Variants in TRMT61B observed in about 807,000 individuals in gnomAD.
TRMT61B encodes tRNA methyltransferase 61B.
Under a neutral mutation model 52.0 loss-of-function variants are expected in TRMT61B, and 56 were observed. The ratio of observed to expected loss-of-function variants is 1.08; its 90% CI spans 0.87 to 1.35. TRMT61B has a LOEUF of 1.35. Ranked by LOEUF, TRMT61B falls within the 40% of genes most tolerant of loss-of-function variation. The pLI is 0.00. For missense variants in TRMT61B, 650 were observed against 577.9 expected (o/e 1.12, Z -1.28); for synonymous variants, 206 against 220.0 (o/e 0.94, Z 0.56).
intron 1 of TRMT61B, among the ~76,000 whole-genome samples, chr2:28,868,458 A>G (rs1441161139): frequency 6.6e-6 from 1 of 152,234 alleles, no homozygotes; most frequent in Non-Finnish European, 1.5e-5. Context: ...ACTACTGGAA[A>G]TGACCTTATT....
chr2:28,855,938 T>A (rs1188180074), intron 3 of TRMT61B, among the ~76,000 whole-genome samples: 2 of 152,068 alleles, frequency 1.3e-5, no homozygotes, highest in African/African-American at 4.8e-5. Flanking sequence ...GCCATTGCAC[T>A]CCAGCCTGGG....
intron 6 of TRMT61B, 40 bp downstream of exon 6, chr2:28,850,287 AG>A (rs1669018421): frequency 6.2e-7 from 1 of 1,601,944 alleles, no homozygotes; most frequent in Non-Finnish European, 8.5e-7. Context: ...ATTAATTAAA[AG>A]AAAAAACACC....
intron 3 of TRMT61B, among the ~76,000 whole-genome samples, chr2:28,854,665 A>G (rs6547885): frequency 0.91 from 136,416 of 150,588 alleles, 61,794 homozygotes; most frequent in Non-Finnish European, 0.93. Flanking sequence ...GCTTGAACCC[A>G]GGAGGCGGAG....
At chr2:28,858,041 C>CTTTTTT (rs372996493) in intron 3 of TRMT61B, among the ~76,000 whole-genome samples, 50 of 133,322 alleles carry the variant, frequency 3.8e-4, no homozygotes, top group Non-Finnish European at 5.7e-4. Flanking sequence ...TTGTTTAATT[C>CTTTTTT]TTTTTTTTTT....
intron 2 of TRMT61B, among the ~76,000 whole-genome samples, chr2:28,863,797 A>C (rs537732148): frequency 6.6e-6 from 1 of 152,284 alleles, no homozygotes; most frequent in East Asian, 1.9e-4. Context: ...CAAAGAACAA[A>C]AGGTGTGAGT....
chr2:28,854,698 C>G (rs1396032845), intron 3 of TRMT61B, among the ~76,000 whole-genome samples: 1 of 141,486 alleles, frequency 7.1e-6, no homozygotes, highest in Non-Finnish European at 1.5e-5. Context: ...GAGATCAGGC[C>G]ACTGCATTCC....
At chr2:28,859,588 C>T (rs1405751248) in intron 3 of TRMT61B, among the ~76,000 whole-genome samples, 1 of 151,860 alleles carries the variant, frequency 6.6e-6, no homozygotes, top group Non-Finnish European at 1.5e-5. Flanking sequence ...TCTCCCCCAG[C>T]AGCTGACACC....
At chr2:28,850,523 T>C (rs1669040236) in intron 5 of TRMT61B, 118 bp from the exon 6 acceptor site, 1 of 676,420 alleles carries the variant, frequency 1.5e-6, no homozygotes, top group Non-Finnish European at 2.5e-6. Flanking sequence ...TTTATTTCCT[T>C]GCATATGTTT....
chr2:28,859,224 C>T lies in TRMT61B; in HGVS notation c.993+1894G>A, dbSNP rs999909718. On this transcript the variant is annotated intron_variant, in intron 3 of 6. Transcript: ENST00000306108. Reference sequence around the variant, plus strand: ...CCTCCCGAGTAGGTGGGACCACAGGCACCCGCCACCACGCCCGGCTAATTT... The same window carrying T: ...CCTCCCGAGTAGGTGGGACCACAGGTACCCGCCACCACGCCCGGCTAATTT... Among the ~76,000 whole-genome samples, 5 of 152,260 alleles carry T rather than the reference C, an allele frequency of 3.3e-5. No homozygotes were observed. In the East Asian group the frequency reaches 9.7e-4, roughly 29 times the overall value.
At chr2:28,869,237 T>C (rs985907834) in intron 1 of TRMT61B, among the ~76,000 whole-genome samples, 2 of 152,328 alleles carry the variant, frequency 1.3e-5, no homozygotes, top group South Asian at 4.1e-4. Flanking sequence ...AACATTCTCT[T>C]GAGTCCTGAA....
chr2:28,869,819 A>AG lies in TRMT61B; in HGVS notation c.458dup (p.Gly154TrpfsTer7), dbSNP rs1276879641. 2 of 1,614,002 alleles carry AG rather than the reference A, an allele frequency of 1.2e-6. No individual in the cohort carries two copies. The highest frequency in any genetic ancestry group is 3.3e-5 in the Admixed American group (2 of 60,004). ...CAGTCTCAGCTAAAATCAGTTCCCC[A>AG]GCCTGAAAGGGTCTCTCTCTGGAAG... On this transcript the variant is annotated frameshift_variant, in exon 1 of 7. Transcript: ENST00000306108. LOFTEE classifies it high-confidence loss of function.
At chr2:28,863,340 AG>A (rs774391440) in intron 2 of TRMT61B, among the ~76,000 whole-genome samples, 1 of 151,624 alleles carries the variant, frequency 6.6e-6, no homozygotes, top group Non-Finnish European at 1.5e-5. Context: ...CTGGGACGAC[AG>A]GATCACTTGA....
chr2:28,851,711 C>T (rs536451100), intron 4 of TRMT61B, among the ~76,000 whole-genome samples: 93 of 151,832 alleles, frequency 6.1e-4, no homozygotes, highest in Non-Finnish European at 9.7e-4. Flanking sequence ...GAAACCCTGT[C>T]TCCACTAAAA....
At chr2:28,856,589 T>G (rs140384172) in intron 3 of TRMT61B, among the ~76,000 whole-genome samples, 15 of 152,188 alleles carry the variant, frequency 9.9e-5, no homozygotes, top group African/African-American at 2.9e-4. Context: ...TACTTCTGAG[T>G]CTTTTTAGTA....
At chr2:28,853,463 G>A (rs971156236) in intron 3 of TRMT61B, among the ~76,000 whole-genome samples, 1 of 152,076 alleles carries the variant, frequency 6.6e-6, no homozygotes, top group African/African-American at 2.4e-5. Context: ...GATGTGAACC[G>A]CTGCACCTGG....
intron 3 of TRMT61B, 38 bp from the exon 4 acceptor site, chr2:28,852,537 CCG>C: frequency 7.5e-7 from 1 of 1,327,392 alleles, no homozygotes; most frequent in Non-Finnish European, 1.1e-6. Context: ...CAGTCTGATT[CCG>C]TTTAAATAAA....
At chr2:28,853,958 T>C (rs1669233303) in intron 3 of TRMT61B, among the ~76,000 whole-genome samples, 1 of 152,122 alleles carries the variant, frequency 6.6e-6, no homozygotes, top group Non-Finnish European at 1.5e-5. Context: ...AATAAAAAAT[T>C]AATTAAAAAC....
In TRMT61B at chr2:28,861,260, T is replaced by C. The variant is rs767145351; in HGVS notation, c.851A>G (p.His284Arg). 6.8e-6 allele frequency: 11 copies of C among 1,611,568 alleles called. No individual in the cohort carries two copies. Among genetic ancestry groups the C allele is most frequent in the South Asian group, 1.1e-5 (1 of 90,170 alleles). The change falls in exon 3 of 7, where the codon CAT becomes CGT. Residue 284 changes from histidine to arginine, a missense_variant. Physicochemically the swap from His to Arg is conservative, Grantham distance 29. Transcript: ENST00000306108. ...VISFEVRKDH[H>R]DLAKKNYKHW... ...TTTGTAATTCTTCTTAGCCAGATCATGGTGGTCTTTTCGTACCTCAAAACT... is the reference window on the plus strand; with the variant it reads ...TTTGTAATTCTTCTTAGCCAGATCACGGTGGTCTTTTCGTACCTCAAAACT...
intron 5 of TRMT61B, chr2:28,850,745 T>A: frequency 3.2e-6 from 1 of 311,534 alleles, no homozygotes; most frequent in Non-Finnish European, 5.8e-6. Flanking sequence ...CTTTTTGGAA[T>A]ATTAGCTATT....
Sources: gnomAD v4.1 joint callset for allele counts (sites outside exome capture counted in the v4.1 genomes callset) on GRCh38, gnomAD v4.1.1 for gene constraint, MANE v1.5 for transcripts, NCBI Gene and HGNC (gene_info 2026-07-23, HGNC 2026-07-21) for gene names.